The following CACNG5 variants were observed in gnomAD, a reference collection of about 807,000 sequenced individuals.
CACNG5 encodes the protein calcium voltage-gated channel auxiliary subunit gamma 5, also known as voltage-dependent calcium channel gamma-5 subunit.
CACNG5 carries 18 observed loss-of-function variants against 24.8 expected under a neutral mutation model. The observed-to-expected ratio is 0.73, with a 90% CI of 0.50 to 1.08. CACNG5 has a LOEUF of 1.08. Ranked by LOEUF, CACNG5 falls within the 50% of genes least tolerant of loss-of-function variation. CACNG5 has a pLI of 0.00. For synonymous variants in CACNG5, 157 were observed against 149.1 expected (o/e 1.05, Z -0.39); for missense variants, 349 against 367.9 (o/e 0.95, Z 0.42).
At position 66,888,376 on chromosome 17, in the gene CACNG5, C is replaced by G. The variant is rs1479463440; in HGVS notation, c.*3136C>G. On this transcript the variant is annotated 3_prime_UTR_variant, in exon 6 of 6. Transcript: ENST00000533854. ...TGGCTAACATGGTGAAACCCTGTCT[C>G]TACTAAAAATACAAAAAATTAGCTG... Among the ~76,000 whole-genome samples the G allele has an allele frequency of 6.6e-6, 1 of 151,164 alleles. No individual in the cohort carries two copies. The highest frequency in any genetic ancestry group is 1.5e-5 in the Non-Finnish European group (1 of 67,796).
chr17:66,872,988 C>G (rs76339975), intron 1 of CACNG5, among the ~76,000 whole-genome samples: 2 of 152,130 alleles, frequency 1.3e-5, no homozygotes, highest in African/African-American at 4.8e-5. Flanking sequence ...TCTTCAGTAG[C>G]GAGATGATGT....
chr17:66,877,595 T>A, intron 2 of CACNG5, 67 bp downstream of exon 2: 1 of 1,325,024 alleles, frequency 7.5e-7, no homozygotes, highest in Admixed American at 1.9e-5. Flanking sequence ...GGTCCCTCCC[T>A]GGGAAGAGAT....
In CACNG5 at chr17:66,877,526, C is replaced by A. The variant is rs759246922; in HGVS notation, c.194C>A (p.Ala65Glu). The change falls in exon 2 of 6, where the codon GCA becomes GAA. Residue 65 changes from alanine to glutamate, a missense_variant and splice_region_variant. Physicochemically the swap from Ala to Glu is moderately radical, Grantham distance 107. Coordinates refer to ENST00000533854, the MANE Select transcript of CACNG5 (RefSeq NM_145811.3). ...HSGLWRVCFL[A>E]GEERGRCFTI... ...GGCCTCTGGCGGGTCTGCTTCCTTG[C>A]AGGTAAGGGTGCCCAGGGTTGGGGA... 5 of 1,613,096 alleles carry A rather than the reference C, an allele frequency of 3.1e-6. No individual in the cohort carries two copies. Among genetic ancestry groups the A allele is most frequent in the South Asian group, 1.1e-5 (1 of 91,024 alleles).
intron 1 of CACNG5, among the ~76,000 whole-genome samples, chr17:66,866,852 C>A (rs1976937792): frequency 6.6e-6 from 1 of 152,190 alleles, no homozygotes; most frequent in Admixed American, 6.5e-5. Context: ...ACTACATTTT[C>A]TTTATCCAGT....
chr17:66,857,251 A>T (rs1032555040), intron 1 of CACNG5, among the ~76,000 whole-genome samples: 5 of 151,456 alleles, frequency 3.3e-5, no homozygotes, highest in African/African-American at 1.2e-4. Context: ...TCACTATATT[A>T]CCCAGGCTGG....
rs1977285513 is a variant in CACNG5, at chr17:66,887,919, G to A, written c.*2679G>A. Among the ~76,000 whole-genome samples, 1 of 152,118 alleles carries A rather than the reference G, an allele frequency of 6.6e-6. No homozygotes were observed. The highest frequency in any genetic ancestry group is 1.5e-5 in the Non-Finnish European group (1 of 68,032). The stretch of plus-strand genomic sequence containing the variant: ...TGTCTATAAATTCATCTCCGAATCA[G>A]GGCCTAGTTGCAGCCTCTCCTCAAT... On this transcript the variant is annotated 3_prime_UTR_variant, in exon 6 of 6. Transcript: ENST00000533854.
At chr17:66,853,715 A>G (rs777795363) in intron 1 of CACNG5, among the ~76,000 whole-genome samples, 3 of 152,234 alleles carry the variant, frequency 2.0e-5, no homozygotes, top group Non-Finnish European at 4.4e-5. Context: ...ATTTCAATAA[A>G]TGCAGAAAAA....
At chr17:66,866,910 A>G in intron 1 of CACNG5, among the ~76,000 whole-genome samples, 1 of 152,224 alleles carries the variant, frequency 6.6e-6, no homozygotes, top group African/African-American at 2.4e-5. Context: ...TGCTCTTGTG[A>G]ATAGTGCTGC....
intron 1 of CACNG5, among the ~76,000 whole-genome samples, chr17:66,876,891 C>T (rs1452456245): frequency 1.3e-5 from 2 of 152,132 alleles, no homozygotes; most frequent in Non-Finnish European, 2.9e-5. Flanking sequence ...TTTGGGGGTG[C>T]CTTTGTTCTT....
chr17:66,843,815 G>A (rs1434972388), intron 1 of CACNG5, among the ~76,000 whole-genome samples: 3 of 152,180 alleles, frequency 2.0e-5, no homozygotes, highest in Non-Finnish European at 2.9e-5. Context: ...GGTGGGGGGA[G>A]GCAGGAACCA....
chr17:66,846,078 C>T (rs533930137), intron 1 of CACNG5, among the ~76,000 whole-genome samples: 2 of 152,330 alleles, frequency 1.3e-5, no homozygotes, highest in African/African-American at 4.8e-5. Flanking sequence ...CCACTCTGTG[C>T]CAAGCACTTC....
chr17:66,859,371 G>A (rs1018805132), intron 1 of CACNG5, among the ~76,000 whole-genome samples: 3 of 152,152 alleles, frequency 2.0e-5, no homozygotes, highest in African/African-American at 7.2e-5. Flanking sequence ...GGGATAGAGT[G>A]TGGTGGAGGG....
chr17:66,880,458 G>A (rs1210545115), intron 3 of CACNG5, 99 bp from the exon 4 acceptor site: 1 of 1,471,506 alleles, frequency 6.8e-7, no homozygotes, highest in Non-Finnish European at 9.4e-7. Context: ...GGGCTTTGAG[G>A]ACCAGTTGGT....
At chr17:66,876,019 A>G (rs1297494093) in intron 1 of CACNG5, among the ~76,000 whole-genome samples, 5 of 152,136 alleles carry the variant, frequency 3.3e-5, no homozygotes, top group Non-Finnish European at 7.4e-5. Flanking sequence ...TTGGCACAGC[A>G]CTTCTCAGAT....
chr17:66,859,758 G>T (rs1245876137), intron 1 of CACNG5, among the ~76,000 whole-genome samples: 4 of 151,874 alleles, frequency 2.6e-5, no homozygotes, highest in Non-Finnish European at 5.9e-5. Flanking sequence ...TCATGGAGGG[G>T]GCTGGGCATG....
intron 1 of CACNG5, among the ~76,000 whole-genome samples, chr17:66,870,449 C>T (rs905190666): frequency 1.3e-5 from 2 of 152,184 alleles, no homozygotes; most frequent in African/African-American, 4.8e-5. Context: ...AGAGTGCTAC[C>T]AACATCTGGT....
intron 1 of CACNG5, among the ~76,000 whole-genome samples, chr17:66,853,066 A>T (rs1261238627): frequency 6.6e-6 from 1 of 151,728 alleles, no homozygotes; most frequent in Non-Finnish European, 1.5e-5. Context: ...GGCTGAAGCA[A>T]TCCTCTCACC....
chr17:66,849,316 G>A lies in CACNG5; in HGVS notation c.-104+14066G>A, dbSNP rs139431244. Among the ~76,000 whole-genome samples the A allele has an allele frequency of 3.9e-5, 6 of 151,986 alleles. No homozygotes were observed. The East Asian group carries it at 5.8e-4, about 15-fold the overall frequency. On this transcript the variant is annotated intron_variant, in intron 1 of 5. Transcript: ENST00000533854. ...GGCACCCGGGGTTGGGGGCAGGGGT[G>A]GGGGGAGCCGCACTGGGACGGGAGG...
At chr17:66,872,717 A>C (rs1977026634) in intron 1 of CACNG5, among the ~76,000 whole-genome samples, 1 of 152,156 alleles carries the variant, frequency 6.6e-6, no homozygotes, top group South Asian at 2.1e-4. Flanking sequence ...CTTTGAGGAA[A>C]GTATTAGTCC....
Sources: gnomAD v4.1 joint callset for allele counts (sites outside exome capture counted in the v4.1 genomes callset) on GRCh38, gnomAD v4.1.1 for gene constraint, MANE v1.5 for transcripts, NCBI Gene and HGNC (gene_info 2026-07-23, HGNC 2026-07-21) for gene names.